Variants in PSPC1 observed in about 807,000 individuals in gnomAD.
The protein encoded by PSPC1 is paraspeckle protein 1.
In PSPC1, 14 loss-of-function variants were observed where a neutral mutation model predicts 51.6. The ratio of observed to expected loss-of-function variants is 0.27; its 90% CI spans 0.18 to 0.42. The LOEUF (loss-of-function observed/expected upper bound fraction) is 0.42. Among genes scored for constraint, PSPC1 ranks in the 10% least tolerant of loss-of-function variants. The pLI is 1.00. For synonymous variants in PSPC1, 193 were observed against 231.9 expected (o/e 0.83, Z 1.53); for missense variants, 406 against 701.1 (o/e 0.58, Z 4.75).
chr13:19,763,089 G>C (rs1377744969), intron 2 of PSPC1, among the ~76,000 whole-genome samples: 1 of 150,004 alleles, frequency 6.7e-6, no homozygotes, highest in African/African-American at 2.4e-5. Context: ...TAGGCAACAA[G>C]AGCAAAACTG....
At chr13:19,678,549 C>G (rs1035823298) in intron 6 of PSPC1, 2 of 151,992 alleles carry the variant, frequency 1.3e-5, no homozygotes, top group African/African-American at 4.8e-5. Context: ...AAATCATTAC[C>G]CTAGATCAGT....
chr13:19,696,499 G>GCA (rs34350489), intron 6 of PSPC1, among the ~76,000 whole-genome samples: 2,847 of 147,538 alleles, frequency 0.019, 86 homozygotes, highest in African/African-American at 0.065. Flanking sequence ...ACACACACAC[G>GCA]CACACACACA....
Position 19,782,395 on chromosome 13 carries a change from G to A in PSPC1, c.363C>T (p.Phe121=). The A allele has an allele frequency of 6.3e-7, 1 of 1,588,004 alleles. No individual in the cohort carries two copies. The highest frequency in any genetic ancestry group is 8.6e-7 in the Non-Finnish European group (1 of 1,167,258). ...VFINRDRGFG[F]IRLESRTLAE... The stretch of plus-strand genomic sequence containing the variant: ...GGCGCCTGACACTCACCAAGCGGAT[G>A]AAGCCGAAGCCACGGTCCCGGTTGA... The change falls in exon 1 of 9, where the codon TTC becomes TTT. Residue 121 remains phenylalanine (F), a synonymous_variant. Coordinates refer to ENST00000338910, the MANE Select transcript of PSPC1 (RefSeq NM_001354909.2). This position sits in a 1 kb window ranked among gnomAD's most constrained non-coding sequence, Gnocchi z 4.5.
chr13:19,756,071 T>A (rs572319913), intron 3 of PSPC1, among the ~76,000 whole-genome samples: 1 of 152,152 alleles, frequency 6.6e-6, no homozygotes, highest in Admixed American at 6.6e-5. Context: ...ACCCCGTCTC[T>A]ACTAAAAATA....
chr13:19,764,856 C>A (rs1395580937), intron 2 of PSPC1, among the ~76,000 whole-genome samples: 1 of 152,000 alleles, frequency 6.6e-6, no homozygotes, highest in Non-Finnish European at 1.5e-5. Flanking sequence ...ACCTCAGCCT[C>A]CCACGTACCT....
At chr13:19,742,649 G>C (rs1246607214) in intron 4 of PSPC1, among the ~76,000 whole-genome samples, 1 of 152,210 alleles carries the variant, frequency 6.6e-6, no homozygotes, top group Non-Finnish European at 1.5e-5. Context: ...TGAGACAGGA[G>C]AATCACTTGA....
chr13:19,690,962 C>A (rs369125985), intron 6 of PSPC1, among the ~76,000 whole-genome samples: 2 of 152,118 alleles, frequency 1.3e-5, no homozygotes, highest in Non-Finnish European at 2.9e-5. Flanking sequence ...TTTTCTTTTG[C>A]CACTTACTAG....
At chr13:19,730,969 A>AAAAAAAAAC (rs1884022914) in intron 5 of PSPC1, among the ~76,000 whole-genome samples, 2 of 146,608 alleles carry the variant, frequency 1.4e-5, no homozygotes, top group Admixed American at 6.9e-5. Flanking sequence ...AAAAAACAAA[A>AAAAAAAAAC]AAAAAAAAAA....
At chr13:19,760,539 AAAAAGTT>A (rs1262338045) in intron 2 of PSPC1, among the ~76,000 whole-genome samples, 1 of 151,824 alleles carries the variant, frequency 6.6e-6, no homozygotes, top group East Asian at 1.9e-4. Context: ...AAAAAAAAAA[AAAAAGTT>A]AAAGCTGAAA....
intron 5 of PSPC1, among the ~76,000 whole-genome samples, chr13:19,734,423 T>C (rs1312678753): frequency 1.3e-5 from 2 of 152,204 alleles, no homozygotes; most frequent in African/African-American, 2.4e-5. Flanking sequence ...CTCCTTGCTG[T>C]TATTGTTCAG....
At chr13:19,695,864 G>A (rs924107251) in intron 6 of PSPC1, among the ~76,000 whole-genome samples, 9 of 151,900 alleles carry the variant, frequency 5.9e-5, no homozygotes, top group African/African-American at 2.2e-4. Flanking sequence ...AGGAAAAACT[G>A]TGAAAAAGTC....
At chr13:19,730,398 G>A (rs1883905471) in intron 5 of PSPC1, 54 bp from the exon 6 acceptor site, 3 of 1,459,478 alleles carry the variant, frequency 2.1e-6, no homozygotes, top group Admixed American at 1.7e-5. Flanking sequence ...GCTGCCATTG[G>A]ACATTTTACT....
intron 2 of PSPC1, among the ~76,000 whole-genome samples, chr13:19,771,897 C>T (rs977759413): frequency 6.6e-6 from 1 of 152,166 alleles, no homozygotes; most frequent in Non-Finnish European, 1.5e-5. Flanking sequence ...TGAGCCACTG[C>T]ACCCCTGAGG....
At chr13:19,689,860 G>C (rs746103621) in intron 6 of PSPC1, among the ~76,000 whole-genome samples, 1 of 152,180 alleles carries the variant, frequency 6.6e-6, no homozygotes, top group Non-Finnish European at 1.5e-5. Flanking sequence ...AAGCAATGTC[G>C]ATTTTACAGG....
chr13:19,679,868 A>G (rs1565953200), intron 6 of PSPC1, among the ~76,000 whole-genome samples: 1 of 152,218 alleles, frequency 6.6e-6, no homozygotes, highest in East Asian at 1.9e-4. Flanking sequence ...CTTCTCAATA[A>G]CATCAGGATT....
chr13:19,730,956 AC>A (rs59695684), intron 5 of PSPC1, among the ~76,000 whole-genome samples: 17,186 of 102,844 alleles, frequency 0.17, 3,127 homozygotes, highest in Middle Eastern at 0.25. Context: ...GAAAAAAAAA[AC>A]AAAAAAACAA....
downstream of PSPC1, chr13:19,673,089 T>G (rs1467779201): frequency 2.7e-5 from 9 of 329,706 alleles, no homozygotes; most frequent in African/African-American, 1.0e-4. Flanking sequence ...ACCTATACGG[T>G]TTTTTTTTGT....
chr13:19,762,312 CT>C (rs1887669925), intron 2 of PSPC1, among the ~76,000 whole-genome samples: 1 of 151,988 alleles, frequency 6.6e-6, no homozygotes, highest in Non-Finnish European at 1.5e-5. Context: ...AACCCCAGCA[CT>C]TTGGGAGGCC....
intron 5 of PSPC1, among the ~76,000 whole-genome samples, chr13:19,740,191 A>T (rs1885292911): frequency 6.6e-6 from 1 of 152,106 alleles, no homozygotes; most frequent in Non-Finnish European, 1.5e-5. Context: ...TAAAAGTACA[A>T]AATTAGCCGA....
Sources: gnomAD v4.1 joint callset for allele counts (sites outside exome capture counted in the v4.1 genomes callset) on GRCh38, gnomAD v4.1.1 for gene constraint, Gnocchi (gnomAD v3.1) non-coding constraint, MANE v1.5 for transcripts, NCBI Gene and HGNC (gene_info 2026-07-23, HGNC 2026-07-21) for gene names.